Variants in ZNF628 observed in about 807,000 individuals in gnomAD.
ZNF628 encodes zinc finger protein 628, also known as zinc finger protein Zec.
ZNF628 carries 3 observed loss-of-function variants against 2.5 expected under a neutral mutation model. The ratio of observed to expected loss-of-function variants is 1.19; its 90% CI spans 0.54 to 3.07. ZNF628 has a LOEUF of 3.07. Ranked by LOEUF, ZNF628 falls within the 30% of genes most tolerant of loss-of-function variation. The pLI is 0.03. For missense variants in ZNF628, 1,610 were observed against 1,517.1 expected (o/e 1.06, Z -1.02); for synonymous variants, 861 against 717.1 (o/e 1.20, Z -3.21).
chr19:55,482,069 G>T lies in ZNF628; in HGVS notation c.876G>T (p.Glu292Asp), dbSNP rs147110934. ...LFLAAAETTV[E>D]LVYRCDGCEQ... ...TGGCGGCGGCGGAGACCACGGTGGA[G>T]CTGGTGTACCGCTGCGATGGCTGCG... is the stretch of plus-strand genomic sequence containing the variant. Residue 292 changes from glutamate (E) to aspartate (D), a missense_variant, in exon 3 of 3, where the codon GAG becomes GAT. Glu to Asp is a conservative substitution (Grantham distance 45). Transcript: ENST00000598519. The T allele has an allele frequency of 0.02, 30,594 of 1,504,152 alleles. 402 individuals carry two copies. Among genetic ancestry groups the T allele is most frequent in the Middle Eastern group, 0.029 (138 of 4,786 alleles). The allele number at this position is 1,504,152 out of a possible 1,614,324, so 93.2% of individuals were successfully genotyped here. A position where few individuals can be genotyped will look rare whatever the true frequency, so the allele number is the denominator to read the frequency against.
In ZNF628 at chr19:55,482,814, G is replaced by T; in HGVS notation, c.1621G>T (p.Gly541Trp). Residue 541 changes from glycine (G) to tryptophan (W), a missense_variant, in exon 3 of 3, where the codon GGG becomes TGG. By Grantham distance (184) the Gly-to-Trp change is radical. Around this residue, in one of 5 missense-constraint regions of ZNF628, gnomAD observed 651 missense variants for 575.6 expected, o/e 1.13. Coordinates refer to ENST00000598519, the MANE Select transcript of ZNF628 (RefSeq NM_033113.3). ...LHSGERPYAC[G>W]ECGKAFRNTS... is the part of the protein sequence containing the mutation. ...CTCTGGCGAGCGGCCCTACGCCTGCGGGGAGTGTGGCAAGGCCTTCCGCAA... is the reference window on the plus strand; with the variant it reads ...CTCTGGCGAGCGGCCCTACGCCTGCTGGGAGTGTGGCAAGGCCTTCCGCAA... The T allele has an allele frequency of 2.5e-6, 4 of 1,610,946 alleles. No homozygotes were observed. Among genetic ancestry groups the T allele is most frequent in the Non-Finnish European group, 3.4e-6 (4 of 1,178,476 alleles).
At position 55,484,061 on chromosome 19, in the gene ZNF628, A is replaced by G. The variant is rs567562920; in HGVS notation, c.2868A>G (p.Thr956=). 2 of 1,593,122 alleles carry G rather than the reference A, an allele frequency of 1.3e-6. No individual in the cohort carries two copies. The highest frequency in any genetic ancestry group is 1.3e-5 in the African/African-American group (1 of 74,254). Residue 956 remains threonine (T), a synonymous_variant, in exon 3 of 3, where the codon ACA becomes ACG. Transcript: ENST00000598519. ...QTRLCVQEVE[T]LPPGLTEPPA... is the part of the protein sequence containing the mutation. The stretch of plus-strand genomic sequence containing the variant: ...GACTCTGCGTACAGGAGGTAGAAAC[A>G]CTTCCTCCTGGGCTGACGGAGCCGC...
At chr19:55,477,111 TCCTG>T (rs1986570789) in intron 1 of ZNF628, among the ~76,000 whole-genome samples, 1 of 152,180 alleles carries the variant, frequency 6.6e-6, no homozygotes, top group Non-Finnish European at 1.5e-5. Context: ...AAGCAAAAAC[TCCTG>T]AGTCCTGGTT....
chr19:55,480,774 A>C (rs936443110), intron 2 of ZNF628, among the ~76,000 whole-genome samples: 4 of 152,090 alleles, frequency 2.6e-5, no homozygotes, highest in African/African-American at 7.2e-5. Context: ...CAGTGGGAGG[A>C]GTGTTGAGGC....
Position 55,481,997 on chromosome 19 carries a change from T to A in ZNF628, c.804T>A (p.Pro268=), listed in dbSNP as rs1173031614. The A allele has an allele frequency of 1.4e-6, 2 of 1,419,714 alleles. No individual in the cohort carries two copies. Among genetic ancestry groups the A allele is most frequent in the South Asian group, 2.6e-5 (2 of 76,926 alleles). 87.9% of individuals were successfully genotyped at this position (1,419,714 alleles called of 1,614,324 possible). A position where few individuals can be genotyped will look rare whatever the true frequency, so the allele number is the denominator to read the frequency against. The part of the protein sequence containing the change: ...RHLQPHSPPA[P]PAPPPPPPPV... ...TCCAGCCCCACAGCCCGCCCGCGCCTCCCGCCCCGCCGCCCCCGCCCCCGC... is the reference window on the plus strand; with the variant it reads ...TCCAGCCCCACAGCCCGCCCGCGCCACCCGCCCCGCCGCCCCCGCCCCCGC... Residue 268 remains proline (P), a synonymous_variant, in exon 3 of 3, where the codon CCT becomes CCA. Transcript: ENST00000598519.
rs536933453 is a variant in ZNF628, at chr19:55,483,713, G to A, written c.2520G>A (p.Val840=). 6.2e-7 allele frequency: 1 copy of A among 1,613,266 alleles called. No homozygotes were observed. The part of the protein sequence containing the change: ...TTVQLQPAQE[V]TTVQLQPAQE... The stretch of plus-strand genomic sequence containing the variant: ...TCCAGCTCCAGCCAGCGCAGGAGGT[G>A]ACCACAGTCCAGCTCCAGCCAGCAC... The change falls in exon 3 of 3, where the codon GTG becomes GTA. Residue 840 remains valine, a synonymous_variant. Coordinates refer to ENST00000598519, the MANE Select transcript of ZNF628 (RefSeq NM_033113.3).
In ZNF628 at chr19:55,482,984, G is replaced by A; in HGVS notation, c.1791G>A (p.Pro597=). Residue 597 remains proline, a synonymous_variant, in exon 3 of 3, where the codon CCG becomes CCA. Coordinates refer to ENST00000598519, the MANE Select transcript of ZNF628 (RefSeq NM_033113.3). ...CGGGCGAGCGGCCCTTCCGCTGCCC[G>A]CTCTGCCCCAAGACCTTCACCCACT... The part of the protein sequence containing the change: ...VHTGERPFRC[P]LCPKTFTHSS... The A allele has an allele frequency of 6.2e-7, 1 of 1,611,344 alleles. No homozygotes were observed.
Position 55,482,859 on chromosome 19 carries a change from C to T in ZNF628, c.1666C>T (p.His556Tyr), listed in dbSNP as rs1288209925. 6.2e-7 allele frequency: 1 copy of T among 1,603,648 alleles called. No individual in the cohort carries two copies. The highest frequency in any genetic ancestry group is 1.3e-5 in the African/African-American group (1 of 74,810). The part of the protein sequence containing the change: ...AFRNTSCLRR[H>Y]RHVHTGERPH... ...CCGCAACACGTCGTGCCTGCGTCGC[C>T]ACCGCCACGTGCACACTGGCGAGAG... The change falls in exon 3 of 3, where the codon CAC (histidine) becomes TAC (tyrosine). Residue 556 changes from histidine to tyrosine, a missense_variant. His to Tyr is a moderately conservative substitution (Grantham distance 83). Coordinates refer to ENST00000598519, the MANE Select transcript of ZNF628 (RefSeq NM_033113.3).
rs1458642634 is a variant in ZNF628, at chr19:55,482,444, G to T, written c.1251G>T (p.Pro417=). ...CHVEEAAAGR[P]PPQAEAAEVT... is the part of the protein sequence containing the mutation. ...TGGAAGAGGCCGCGGCCGGGCGCCC[G>T]CCCCCGCAGGCTGAGGCTGCGGAGG... is the stretch of plus-strand genomic sequence containing the variant. The change falls in exon 3 of 3, where the codon CCG becomes CCT. Residue 417 remains proline (P), a synonymous_variant. Coordinates refer to ENST00000598519, the MANE Select transcript of ZNF628 (RefSeq NM_033113.3). 3.3e-5 allele frequency: 45 copies of T among 1,351,700 alleles called. No individual in the cohort carries two copies. The highest frequency in any genetic ancestry group is 4.2e-5 in the Non-Finnish European group (44 of 1,056,340). The allele number at this position is 1,351,700 out of a possible 1,614,324, so 83.7% of individuals were successfully genotyped here. A position where few individuals can be genotyped will look rare whatever the true frequency, so the allele number is the denominator to read the frequency against.
intron 1 of ZNF628, among the ~76,000 whole-genome samples, chr19:55,478,338 G>C (rs1002629067): frequency 2.6e-5 from 4 of 152,170 alleles, no homozygotes. Context: ...CTCTTGCAGA[G>C]GGGATTTCAG....
rs899314399 is a variant in ZNF628 at position 55,482,352 on chromosome 19, C to T, written c.1159C>T (p.Arg387Cys). Residue 387 changes from arginine to cysteine, a missense_variant, in exon 3 of 3, where the codon CGC becomes TGC. Physicochemically the swap from Arg to Cys is radical, Grantham distance 180. This residue lies in a region of ZNF628 where 651 missense variants were observed against 575.6 expected (regional missense o/e 1.13). Coordinates refer to ENST00000598519, the MANE Select transcript of ZNF628 (RefSeq NM_033113.3). ...CGGGGCTGCCGGCGGGCAAGCGTTC[C>T]GCTGCGGCAGCTGCGACGGCTCCTT... Reference protein sequence around the residue: ...SHGAAGGQAFRCGSCDGSFPQ... With the variant: ...SHGAAGGQAFCCGSCDGSFPQ... The T allele has an allele frequency of 2.8e-6, 4 of 1,444,830 alleles. No homozygotes were observed. Among genetic ancestry groups the T allele is most frequent in the Admixed American group, 2.7e-5 (1 of 37,350 alleles). The allele number at this position is 1,444,830 out of a possible 1,614,324, so 89.5% of individuals were successfully genotyped here. A position where few individuals can be genotyped will look rare whatever the true frequency, so the allele number is the denominator to read the frequency against.
Position 55,482,180 on chromosome 19 carries a change from C to T in ZNF628, c.987C>T (p.Pro329=), listed in dbSNP as rs572231430. 6.7e-7 allele frequency: 1 copy of T among 1,493,658 alleles called. No individual in the cohort carries two copies. Among genetic ancestry groups the T allele is most frequent in the East Asian group, 2.8e-5 (1 of 35,736 alleles). The allele number at this position is 1,493,658 out of a possible 1,614,324, so 92.5% of individuals were successfully genotyped here. A position where few individuals can be genotyped will look rare whatever the true frequency, so the allele number is the denominator to read the frequency against. ...PDAAPQPQEA[P]AEAPKADQPP... ...CGGCGCCCCAGCCCCAGGAGGCACC[C>T]GCCGAGGCGCCCAAGGCCGACCAGC... Residue 329 remains proline (P), a synonymous_variant, in exon 3 of 3, where the codon CCC becomes CCT. Coordinates refer to ENST00000598519, the MANE Select transcript of ZNF628 (RefSeq NM_033113.3).
chr19:55,481,992 GCGCCTCCCGCCCCGCCGCCCC>G lies in ZNF628; in HGVS notation c.804_824del (p.Ala270_Pro276del). 2.1e-6 allele frequency: 3 copies of G among 1,416,794 alleles called. No homozygotes were observed. Among genetic ancestry groups the G allele is most frequent in the Non-Finnish European group, 1.8e-6 (2 of 1,086,424 alleles). 87.8% of individuals were successfully genotyped at this position (1,416,794 alleles called of 1,614,324 possible). On this transcript the variant is annotated inframe_deletion, in exon 3 of 3. Coordinates refer to ENST00000598519, the MANE Select transcript of ZNF628 (RefSeq NM_033113.3). The stretch of plus-strand genomic sequence containing the variant: ...GCACCTCCAGCCCCACAGCCCGCCC[GCGCCTCCCGCCCCGCCGCCCC>G]CGCCCCCGCCCGTGGTGCCTGAGCT...
chr19:55,480,532 C>T (rs1031781429), intron 2 of ZNF628, among the ~76,000 whole-genome samples: 4 of 152,074 alleles, frequency 2.6e-5, no homozygotes, highest in South Asian at 2.1e-4. Context: ...GCAATTCTCC[C>T]GCCTCAGCCT....
chr19:55,482,492 G>A lies in ZNF628; in HGVS notation c.1299G>A (p.Leu433=). The A allele has an allele frequency of 6.9e-7, 1 of 1,446,600 alleles. No individual in the cohort carries two copies. Among genetic ancestry groups the A allele is most frequent in the Non-Finnish European group, 9.1e-7 (1 of 1,104,358 alleles). 89.6% of individuals were successfully genotyped at this position (1,446,600 alleles called of 1,614,324 possible). A position where few individuals can be genotyped will look rare whatever the true frequency, so the allele number is the denominator to read the frequency against. ...AGGTGACCTGCCCCCAGGAACCGCT[G>A]GCGCCTGCCGCCCCCGTCCCGCCGC... The part of the protein sequence containing the change: ...AAEVTCPQEP[L]APAAPVPPPP... The change falls in exon 3 of 3, where the codon CTG becomes CTA. Residue 433 remains leucine, a synonymous_variant. Coordinates refer to ENST00000598519, the MANE Select transcript of ZNF628 (RefSeq NM_033113.3).
At position 55,482,511 on chromosome 19, in the gene ZNF628, C is replaced by G. The variant is rs1292906498; in HGVS notation, c.1318C>G (p.Pro440Ala). Residue 440 changes from proline to alanine, a missense_variant, in exon 3 of 3, where the codon CCG becomes GCG. This residue lies in a region of ZNF628 where 651 missense variants were observed against 575.6 expected (regional missense o/e 1.13). Coordinates refer to ENST00000598519, the MANE Select transcript of ZNF628 (RefSeq NM_033113.3). Reference sequence around the variant, plus strand: ...ACCGCTGGCGCCTGCCGCCCCCGTCCCGCCGCCACCCCCGTCCGCCCCCGC... The same window carrying G: ...ACCGCTGGCGCCTGCCGCCCCCGTCGCGCCGCCACCCCCGTCCGCCCCCGC... Reference protein sequence around the residue: ...QEPLAPAAPVPPPPPSAPASA... With the variant: ...QEPLAPAAPVAPPPPSAPASA... The G allele has an allele frequency of 6.8e-7, 1 of 1,472,802 alleles. No individual in the cohort carries two copies. Among genetic ancestry groups the G allele is most frequent in the Non-Finnish European group, 9.0e-7 (1 of 1,116,926 alleles). The allele number at this position is 1,472,802 out of a possible 1,614,324, so 91.2% of individuals were successfully genotyped here.
rs1333302454 is a variant in ZNF628, at chr19:55,482,003, C to CCCGCCG, written c.813_818dup (p.Pro276_Pro277dup). ...CCCACAGCCCGCCCGCGCCTCCCGC[C>CCCGCCG]CCGCCGCCCCCGCCCCCGCCCGTGG... On this transcript the variant is annotated inframe_insertion, in exon 3 of 3. Coordinates refer to ENST00000598519, the MANE Select transcript of ZNF628 (RefSeq NM_033113.3). 55 of 1,465,238 alleles carry CCCGCCG rather than the reference C, an allele frequency of 3.8e-5. No homozygotes were observed. The South Asian group carries it at 4.6e-4, about 12-fold the overall frequency. The allele number at this position is 1,465,238 out of a possible 1,614,324, so 90.8% of individuals were successfully genotyped here. A position where few individuals can be genotyped will look rare whatever the true frequency, so the allele number is the denominator to read the frequency against.
Position 55,479,900 on chromosome 19 carries a change from G to A in ZNF628, c.-11G>A. 5.0e-6 allele frequency: 2 copies of A among 401,022 alleles called. No homozygotes were observed. The highest frequency in any genetic ancestry group is 4.4e-6 in the Non-Finnish European group (1 of 227,222). The allele number at this position is 401,022 out of a possible 1,614,324, so 24.8% of individuals were successfully genotyped here. On this transcript the variant is annotated 5_prime_UTR_variant, in exon 2 of 3. Transcript: ENST00000598519. This position sits in a 1 kb window ranked among gnomAD's most constrained non-coding sequence, Gnocchi z 5.1. The stretch of plus-strand genomic sequence containing the variant: ...GGAGAGGAGGGGCTGGAGGTTTCAG[G>A]AGAAAGAAGCATGTCAGGTAGTCAC...
At position 55,481,656 on chromosome 19, in the gene ZNF628, A is replaced by C. The variant is rs761326135; in HGVS notation, c.463A>C (p.Lys155Gln). Residue 155 changes from lysine (K) to glutamine (Q), a missense_variant, in exon 3 of 3, where the codon AAG (lysine) becomes CAG (glutamine). Lys to Gln is a moderately conservative substitution (Grantham distance 53). Around this residue, in one of 5 missense-constraint regions of ZNF628, gnomAD observed 166 missense variants for 241.3 expected, o/e 0.69. Transcript: ENST00000598519. ...ERPYPCPDCP[K>Q]AFKNSSSLRR... ...CCCCTACCCGTGCCCGGACTGCCCC[A>C]AGGCCTTCAAGAACTCGTCCAGCCT... 1.2e-6 allele frequency: 2 copies of C among 1,609,936 alleles called. No individual in the cohort carries two copies. Among genetic ancestry groups the C allele is most frequent in the Non-Finnish European group, 8.5e-7 (1 of 1,177,498 alleles).
Sources: allele counts gnomAD v4.1 joint callset (sites outside exome capture counted in the v4.1 genomes callset), GRCh38; gene constraint gnomAD v4.1.1; regional missense constraint gnomAD v4.1.1; non-coding constraint Gnocchi (gnomAD v3.1); transcripts MANE v1.5; gene names NCBI Gene and HGNC (gene_info 2026-07-23, HGNC 2026-07-21).